The following ZBTB20 variants were observed in gnomAD, a reference collection of about 807,000 sequenced individuals.
ZBTB20 encodes zinc finger and BTB domain-containing protein 20.
ZBTB20 carries 9 observed loss-of-function variants against 56.9 expected under a neutral mutation model. That is an observed-to-expected ratio of 0.16 (90% CI 0.10 to 0.28). The LOEUF (loss-of-function observed/expected upper bound fraction) is 0.28. Among genes scored for constraint, ZBTB20 ranks in the 10% least tolerant of loss-of-function variants. The pLI is 1.00. For synonymous variants in ZBTB20, 417 were observed against 420.7 expected (o/e 0.99, Z 0.11); for missense variants, 655 against 1,003.0 (o/e 0.65, Z 4.69).
intron 5 of ZBTB20, among the ~76,000 whole-genome samples, chr3:114,764,386 C>G (rs1223288348): frequency 1.3e-5 from 2 of 152,082 alleles, no homozygotes; most frequent in African/African-American, 4.8e-5. Flanking sequence ...CTGCCAAAAT[C>G]AGAACCACAG....
intron 6 of ZBTB20, among the ~76,000 whole-genome samples, chr3:114,535,302 AG>A: frequency 6.6e-6 from 1 of 152,318 alleles, no homozygotes; most frequent in South Asian, 2.1e-4. Context: ...AAAATGATAA[AG>A]GGGATATCAC....
intron 1 of ZBTB20, among the ~76,000 whole-genome samples, chr3:115,106,936 A>G (rs2083740831): frequency 6.6e-6 from 1 of 152,244 alleles, no homozygotes; most frequent in East Asian, 1.9e-4. Context: ...AAACAACAGT[A>G]CATAGGGTTT....
chr3:114,603,250 TTG>T (rs1026439436), intron 6 of ZBTB20, among the ~76,000 whole-genome samples: 2 of 151,968 alleles, frequency 1.3e-5, no homozygotes, highest in Middle Eastern at 3.2e-3. Flanking sequence ...TTCATTTTCG[TTG>T]TAATTGTATT....
chr3:114,973,950 T>C (rs540938816), intron 3 of ZBTB20, among the ~76,000 whole-genome samples: 3 of 152,152 alleles, frequency 2.0e-5, no homozygotes, highest in African/African-American at 7.2e-5. Context: ...TTATTTCTTA[T>C]AGTTAATTGT....
chr3:114,633,293 G>A (rs1343636179), intron 6 of ZBTB20, among the ~76,000 whole-genome samples: 1 of 152,176 alleles, frequency 6.6e-6, no homozygotes, highest in African/African-American at 2.4e-5. Context: ...TGATGGAGGA[G>A]TCCCCAAGTT....
chr3:114,389,249 A>G (rs1015131585), intron 7 of ZBTB20, 144 bp from the exon 8 acceptor site: 2 of 152,262 alleles, frequency 1.3e-5, no homozygotes, highest in African/African-American at 4.8e-5. Context: ...GAGAATGGCG[A>G]GGTACGGAAG....
At chr3:115,082,558 A>G (rs1315320910) in intron 1 of ZBTB20, among the ~76,000 whole-genome samples, 2 of 152,154 alleles carry the variant, frequency 1.3e-5, no homozygotes, top group African/African-American at 4.8e-5. Flanking sequence ...CATATGGACA[A>G]ACGGACGGGA....
intron 4 of ZBTB20, among the ~76,000 whole-genome samples, chr3:114,832,533 T>C (rs1317554453): frequency 6.6e-6 from 1 of 152,114 alleles, no homozygotes; most frequent in Non-Finnish European, 1.5e-5. Flanking sequence ...ACAGCCACTC[T>C]AAATTCACTA....
At chr3:114,500,709 C>T (rs1356779067) in intron 6 of ZBTB20, among the ~76,000 whole-genome samples, 2 of 152,114 alleles carry the variant, frequency 1.3e-5, no homozygotes, top group Non-Finnish European at 2.9e-5. Flanking sequence ...GCTATGTTAC[C>T]ATTTAACAAA....
intron 3 of ZBTB20, chr3:114,900,754 T>G (rs1456867448): frequency 6.6e-6 from 1 of 151,972 alleles, no homozygotes; most frequent in Admixed American, 6.6e-5. Flanking sequence ...CTGCACTCAG[T>G]TTGGATAGAA....
At chr3:114,398,029 A>G (rs781674108) in intron 7 of ZBTB20, among the ~76,000 whole-genome samples, 1 of 152,118 alleles carries the variant, frequency 6.6e-6, no homozygotes, top group Non-Finnish European at 1.5e-5. Context: ...GCACATTTCT[A>G]TCTCTGAGCT....
At chr3:114,342,442 A>G (rs1370128620) in intron 11 of ZBTB20, among the ~76,000 whole-genome samples, 1 of 152,222 alleles carries the variant, frequency 6.6e-6, no homozygotes, top group Non-Finnish European at 1.5e-5. Flanking sequence ...GAATTATAAC[A>G]TCAAGGGGAA....
intron 2 of ZBTB20, among the ~76,000 whole-genome samples, chr3:115,041,468 AT>A (rs1389964251): frequency 6.6e-6 from 1 of 152,170 alleles, no homozygotes; most frequent in Non-Finnish European, 1.5e-5. Flanking sequence ...CTAGGACAAG[AT>A]TAAGACAAGG....
chr3:115,078,161 C>T (rs2082661259), intron 1 of ZBTB20, among the ~76,000 whole-genome samples: 2 of 152,158 alleles, frequency 1.3e-5, no homozygotes, highest in African/African-American at 2.4e-5. Flanking sequence ...ACCTAATAGA[C>T]TTCTTAAATA....
At chr3:114,589,534 T>C (rs2055529284) in intron 6 of ZBTB20, among the ~76,000 whole-genome samples, 1 of 152,220 alleles carries the variant, frequency 6.6e-6, no homozygotes, top group African/African-American at 2.4e-5. Flanking sequence ...GATATGGCTA[T>C]TTATAGATTG....
At chr3:114,489,590 G>C (rs992182876) in intron 7 of ZBTB20, among the ~76,000 whole-genome samples, 10 of 152,078 alleles carry the variant, frequency 6.6e-5, no homozygotes, top group African/African-American at 2.4e-4. Context: ...TTAAAATCTA[G>C]AGAAGACACT....
At chr3:114,879,849 C>T (rs540394120) in intron 4 of ZBTB20, among the ~76,000 whole-genome samples, 1 of 152,254 alleles carries the variant, frequency 6.6e-6, no homozygotes, top group Non-Finnish European at 1.5e-5. Flanking sequence ...TTAAGATCCA[C>T]CTCCCCAATG....
intron 3 of ZBTB20, among the ~76,000 whole-genome samples, chr3:114,910,661 T>A (rs2075499793): frequency 6.6e-6 from 1 of 151,980 alleles, no homozygotes; most frequent in Non-Finnish European, 1.5e-5. Flanking sequence ...ATAAGTGGTT[T>A]TATTTTCATT....
intron 10 of ZBTB20, chr3:114,367,075 A>G (rs1252592268): frequency 6.6e-6 from 1 of 152,246 alleles, no homozygotes; most frequent in Non-Finnish European, 1.5e-5. Flanking sequence ...GTAGCACAGA[A>G]GTTTGCACAT....
Sources: allele counts gnomAD v4.1 joint callset (sites outside exome capture counted in the v4.1 genomes callset), GRCh38; gene constraint gnomAD v4.1.1; transcripts MANE v1.5; gene names NCBI Gene and HGNC (gene_info 2026-07-23, HGNC 2026-07-21).